The following RPH3AL variants were observed in gnomAD, a reference collection of about 807,000 sequenced individuals.
RPH3AL encodes rab effector Noc2.
In RPH3AL, 38 loss-of-function variants were observed where a neutral mutation model predicts 43.1. The ratio of observed to expected loss-of-function variants is 0.88; its 90% confidence interval spans 0.68 to 1.15. The LOEUF (loss-of-function observed/expected upper bound fraction) is 1.15, where lower values mean the gene tolerates loss of function less well. Among genes scored for constraint, RPH3AL ranks in the 50% most tolerant of loss-of-function variants. The pLI is 0.00. For missense variants in RPH3AL, 462 were observed against 423.2 expected (o/e 1.09, Z -0.81); for synonymous variants, 189 against 176.3 (o/e 1.07, Z -0.57).
Position 344,906 on chromosome 17 carries a change from G to C in RPH3AL, c.-213+7806C>G, listed in dbSNP as rs114423268. On this transcript the variant is annotated intron_variant, in intron 1 of 9. Coordinates refer to ENST00000331302, the MANE Select transcript of RPH3AL (RefSeq NM_006987.4). ...GCAGGAGACCTGATGAATAGAAAGT[G>C]TATATACTGGGAAGAGGAATCAGCA... 4.8e-3 allele frequency among the ~76,000 whole-genome samples: 660 copies of C among 136,126 alleles called. 90 individuals are homozygous for C. The highest frequency in any genetic ancestry group is 0.015 in the African/African-American group (588 of 39,776). 89.3% of individuals were successfully genotyped at this position (136,126 alleles called of 152,430 possible).
At chr17:294,311 A>C (rs937082810) in intron 5 of RPH3AL, among the ~76,000 whole-genome samples, 2 of 151,358 alleles carry the variant, frequency 1.3e-5, no homozygotes, top group African/African-American at 4.9e-5. Context: ...AAAAAAAAAT[A>C]CAAAAATTAG....
rs561163867 is a variant in RPH3AL, at chr17:292,738, C to T, written c.352-10884G>A. ...CCCTGGGCCCTCTCCTCTTCCAGAA[C>T]GACAGATGAGGTCAAGCTTCAAGTG... On this transcript the variant is annotated intron_variant, in intron 5 of 9. Coordinates refer to ENST00000331302, the MANE Select transcript of RPH3AL (RefSeq NM_006987.4). 1.2e-4 allele frequency among the ~76,000 whole-genome samples: 18 copies of T among 152,310 alleles called. No individual in the cohort carries two copies. In the East Asian group the frequency reaches 1.5e-3, roughly 13 times the overall value.
intron 3 of RPH3AL, among the ~76,000 whole-genome samples, chr17:321,828 C>A (rs570664688): frequency 6.6e-6 from 1 of 152,098 alleles, no homozygotes; most frequent in African/African-American, 2.4e-5. Context: ...TTGGCAAAGA[C>A]GGCAGCACCA....
intron 5 of RPH3AL, among the ~76,000 whole-genome samples, chr17:295,334 C>A (rs1428772258): frequency 6.9e-6 from 1 of 143,948 alleles, no homozygotes; most frequent in Non-Finnish European, 1.5e-5. Flanking sequence ...GTGGGAGGGA[C>A]AGAGGAGCTG....
chr17:253,396 C>A (rs76729703), intron 6 of RPH3AL, among the ~76,000 whole-genome samples: 2 of 152,180 alleles, frequency 1.3e-5, no homozygotes, highest in African/African-American at 2.4e-5. Context: ...CACTGTGGGG[C>A]CGAGAACCTC....
chr17:313,404 C>G (rs2043698005), intron 5 of RPH3AL, among the ~76,000 whole-genome samples: 1 of 152,256 alleles, frequency 6.6e-6, no homozygotes, highest in African/African-American at 2.4e-5. Context: ...GCCGCTCACT[C>G]TCTGCCCCAG....
At chr17:285,284 G>T (rs114339846) in intron 5 of RPH3AL, among the ~76,000 whole-genome samples, 1 of 152,152 alleles carries the variant, frequency 6.6e-6, no homozygotes, top group African/African-American at 2.4e-5. Flanking sequence ...GAGGCCGCAC[G>T]GCACGGCGCA....
At chr17:305,288 G>A (rs1041877050) in intron 5 of RPH3AL, among the ~76,000 whole-genome samples, 5 of 151,952 alleles carry the variant, frequency 3.3e-5, no homozygotes, top group African/African-American at 1.2e-4. Context: ...AAGCCAAGCT[G>A]AGGCAACGTC....
intron 7 of RPH3AL, among the ~76,000 whole-genome samples, chr17:227,113 G>A (rs2041124835): frequency 6.6e-6 from 1 of 152,178 alleles, no homozygotes; most frequent in Non-Finnish European, 1.5e-5. Context: ...AGGGGCCTGA[G>A]CCACTTGCTG....
intron 7 of RPH3AL, among the ~76,000 whole-genome samples, chr17:219,986 C>T (rs1431636480): frequency 6.6e-6 from 1 of 152,176 alleles, no homozygotes; most frequent in African/African-American, 2.4e-5. Context: ...GAGAAGAGTT[C>T]ACCTGTTGGC....
chr17:293,476 G>C (rs55642001), intron 5 of RPH3AL, among the ~76,000 whole-genome samples: 13,641 of 151,892 alleles, frequency 0.09, 706 homozygotes, highest in Middle Eastern at 0.17. Flanking sequence ...GGGGGCCGGG[G>C]CTCCGGGGGT....
chr17:247,231 G>T lies in RPH3AL; in HGVS notation c.493C>A (p.Pro165Thr), dbSNP rs1555540472. 3 of 1,612,246 alleles carry T rather than the reference G, an allele frequency of 1.9e-6. No homozygotes were observed. Among genetic ancestry groups the T allele is most frequent in the Middle Eastern group, 1.7e-4 (1 of 5,870 alleles). ...TCAGCTCGGCCAGGGGTCTTCAGGG[G>T]CAAGATATACTTGGGGAGCCCTTTG... is the stretch of plus-strand genomic sequence containing the variant. ...FYKGLPKYIL[P>T]LKTPGRADDP... Residue 165 changes from proline (P) to threonine (T), a missense_variant, in exon 7 of 10, where the codon CCC becomes ACC. Coordinates refer to ENST00000331302, the MANE Select transcript of RPH3AL (RefSeq NM_006987.4).
chr17:248,586 C>T (rs2041818637), intron 6 of RPH3AL, among the ~76,000 whole-genome samples: 1 of 152,208 alleles, frequency 6.6e-6, no homozygotes, highest in Admixed American at 6.5e-5. Context: ...CCACCCTGAA[C>T]TCACAGGGTG....
At chr17:309,092 T>C (rs986807325) in intron 5 of RPH3AL, among the ~76,000 whole-genome samples, 7 of 151,872 alleles carry the variant, frequency 4.6e-5, no homozygotes, top group Non-Finnish European at 1.0e-4. Flanking sequence ...GAGCCAGGAG[T>C]TTGAGACCAG....
At chr17:320,597 C>T (rs1302677313) in intron 4 of RPH3AL, among the ~76,000 whole-genome samples, 1 of 151,872 alleles carries the variant, frequency 6.6e-6, no homozygotes, top group African/African-American at 2.4e-5. Context: ...TGTGATAGCA[C>T]CACTGCATTC....
intron 6 of RPH3AL, among the ~76,000 whole-genome samples, chr17:269,074 T>G (rs568885577): frequency 2.3e-4 from 35 of 152,138 alleles, no homozygotes; most frequent in Non-Finnish European, 4.4e-4. Context: ...GAGACGGGGT[T>G]TCACCGTGTT....
Position 321,318 on chromosome 17 carries a change from T to A in RPH3AL, c.175A>T (p.Ile59Phe). Residue 59 changes from isoleucine to phenylalanine, a missense_variant, in exon 4 of 10, where the codon ATC becomes TTC. Coordinates refer to ENST00000331302, the MANE Select transcript of RPH3AL (RefSeq NM_006987.4). ...ACGTCGAGCCGCTCTGCCCTCTGGATGACCTGCAGGATGGCCTCCACCTCC... is the reference window on the plus strand; with the variant it reads ...ACGTCGAGCCGCTCTGCCCTCTGGAAGACCTGCAGGATGGCCTCCACCTCC... ...PAEVEAILQV[I>F]QRAERLDVLE... The A allele has an allele frequency of 6.2e-7, 1 of 1,611,318 alleles. No homozygotes were observed. Among genetic ancestry groups the A allele is most frequent in the East Asian group, 2.2e-5 (1 of 44,866 alleles).
At chr17:317,118 C>T (rs1714581327) in intron 5 of RPH3AL, among the ~76,000 whole-genome samples, 1 of 149,592 alleles carries the variant, frequency 6.7e-6, no homozygotes, top group African/African-American at 2.5e-5. Context: ...CCTGTGACTC[C>T]ACCTCCACTG....
chr17:321,633 TTCC>T (rs1465600379), intron 3 of RPH3AL: 43 of 512,452 alleles, frequency 8.4e-5, no homozygotes, highest in South Asian at 3.3e-4. Context: ...ACGGCCCAGG[TTCC>T]GTGTGCCGGG....
Sources: allele counts gnomAD v4.1 joint callset (sites outside exome capture counted in the v4.1 genomes callset), GRCh38; gene constraint gnomAD v4.1.1; transcripts MANE v1.5; gene names NCBI Gene and HGNC (gene_info 2026-07-23, HGNC 2026-07-21).